Variants in SPATA13 observed in about 807,000 individuals in gnomAD.
SPATA13 encodes spermatogenesis-associated protein 13.
Under a neutral mutation model 104.0 loss-of-function variants are expected in SPATA13, and 50 were observed. The ratio of observed to expected loss-of-function variants is 0.48; its 90% CI spans 0.38 to 0.61. The LOEUF is 0.61. Ranked by LOEUF, SPATA13 falls within the 20% of genes least tolerant of loss-of-function variation. The probability of loss-of-function intolerance (pLI) is 0.00; values close to 1 mark genes in which losing one functional copy is unlikely to be tolerated. For synonymous variants in SPATA13, 606 were observed against 667.5 expected (o/e 0.91, Z 1.42); for missense variants, 1,524 against 1,690.6 (o/e 0.90, Z 1.73).
intron 5 of SPATA13, among the ~76,000 whole-genome samples, chr13:24,284,581 T>A (rs959989755): frequency 6.6e-6 from 1 of 152,144 alleles, no homozygotes; most frequent in Non-Finnish European, 1.5e-5. Context: ...GGAGAATTGC[T>A]TGAAGCTGGG....
At chr13:24,102,636 G>A (rs755241576) in intron 3 of SPATA13, among the ~76,000 whole-genome samples, 10 of 151,864 alleles carry the variant, frequency 6.6e-5, no homozygotes, top group South Asian at 2.1e-4. Flanking sequence ...CACTAAGCCT[G>A]GCTATTTTTG....
chr13:23,998,389 A>G (rs1875792480), intron 2 of SPATA13, among the ~76,000 whole-genome samples: 2 of 152,178 alleles, frequency 1.3e-5, no homozygotes, highest in South Asian at 4.1e-4. Context: ...TGAAATGTCT[A>G]TCCAAATCTT....
intron 3 of SPATA13, among the ~76,000 whole-genome samples, chr13:24,154,188 T>C (rs1023683239): frequency 6.6e-6 from 1 of 152,234 alleles, no homozygotes; most frequent in Non-Finnish European, 1.5e-5. Context: ...AGTCTGGCAG[T>C]ACCACTCCTG....
chr13:24,160,210 G>C (rs115113968), upstream of SPATA13, among the ~76,000 whole-genome samples: 1 of 152,212 alleles, frequency 6.6e-6, no homozygotes, highest in Non-Finnish European at 1.5e-5. Flanking sequence ...CGCCCTGGGG[G>C]GTGGGGGCTG....
intron 3 of SPATA13, among the ~76,000 whole-genome samples, chr13:24,064,569 T>C (rs887216448): frequency 2.6e-5 from 4 of 152,054 alleles, no homozygotes; most frequent in African/African-American, 9.7e-5. Flanking sequence ...TGTGAGAACA[T>C]AGCAAGAAGA....
At chr13:24,113,868 CAAAAAAAAAAAAAA>C (rs958434459) in intron 3 of SPATA13, among the ~76,000 whole-genome samples, 5 of 56,192 alleles carry the variant, frequency 8.9e-5, no homozygotes, top group African/African-American at 3.2e-4. Context: ...GACTCGATCT[CAAAAAAAAAAAAAA>C]AAAAAAAAGA....
chr13:24,132,396 G>C (rs1266352937), intron 3 of SPATA13, among the ~76,000 whole-genome samples: 2 of 152,170 alleles, frequency 1.3e-5, no homozygotes, highest in African/African-American at 4.8e-5. Flanking sequence ...CAATATATCA[G>C]ACCCTGGACA....
chr13:24,142,417 T>C (rs1366628086), intron 3 of SPATA13, among the ~76,000 whole-genome samples: 1 of 152,206 alleles, frequency 6.6e-6, no homozygotes, highest in Non-Finnish European at 1.5e-5. Flanking sequence ...TCTTTGTCTT[T>C]CATGACCTTG....
intron 11 of SPATA13, 89 bp from the exon 12 acceptor site, chr13:24,300,312 C>T: frequency 5.0e-6 from 5 of 994,368 alleles, no homozygotes; most frequent in Admixed American, 2.1e-5. Context: ...TGGTGATAAC[C>T]TCAATGCTGA....
rs748284162 is a variant in SPATA13, at chr13:24,286,810, C to T, written c.2527C>T (p.Pro843Ser). The T allele has an allele frequency of 2.5e-6, 4 of 1,613,592 alleles. No homozygotes were observed. The highest frequency in any genetic ancestry group is 3.4e-6 in the Non-Finnish European group (4 of 1,179,958). ...EELSENSSST[P>S]SEEQDEEASQ... ...GCTGTCGGAAAACTCCAGCAGCACC[C>T]CCAGTGAGGAGCAGGACGAGGAGGC... is the stretch of plus-strand genomic sequence containing the variant. Residue 843 changes from proline (P) to serine (S), a missense_variant, in exon 7 of 13, where the codon CCC becomes TCC. By Grantham distance (74) the Pro-to-Ser change is moderately conservative. Transcript: ENST00000382108. The surrounding 1 kb of genome is among the most constrained non-coding windows in gnomAD (Gnocchi z 4.9).
chr13:24,238,084 G>A (rs1054770103), intron 2 of SPATA13, among the ~76,000 whole-genome samples: 7 of 142,146 alleles, frequency 4.9e-5, no homozygotes, highest in Non-Finnish European at 3.0e-5. Context: ...TGGTATCATG[G>A]TTGATAAATT....
At chr13:24,139,360 G>C (rs541305814) in intron 3 of SPATA13, among the ~76,000 whole-genome samples, 1 of 152,104 alleles carries the variant, frequency 6.6e-6, no homozygotes, top group South Asian at 2.1e-4. Context: ...AGCTTACCTC[G>C]TAGTGGGGGC....
intron 3 of SPATA13, among the ~76,000 whole-genome samples, chr13:24,135,382 G>A (rs1356201984): frequency 1.3e-5 from 2 of 152,000 alleles, no homozygotes; most frequent in African/African-American, 4.8e-5. Flanking sequence ...ATTATATAAT[G>A]TGCCTCACTT....
intron 3 of SPATA13, among the ~76,000 whole-genome samples, chr13:24,023,002 CATAGGT>C (rs1877056397): frequency 6.6e-6 from 1 of 152,024 alleles, no homozygotes; most frequent in Admixed American, 6.6e-5. Flanking sequence ...AAGCTCGTTA[CATAGGT>C]ATACATGTAC....
At chr13:24,134,105 A>AC (rs1200931870) in intron 3 of SPATA13, among the ~76,000 whole-genome samples, 1 of 152,178 alleles carries the variant, frequency 6.6e-6, no homozygotes, top group East Asian at 1.9e-4. Flanking sequence ...GTAGAATGGT[A>AC]CCCAGATAGA....
chr13:24,175,002 T>G (rs919081889), intron 1 of SPATA13, among the ~76,000 whole-genome samples: 1 of 152,208 alleles, frequency 6.6e-6, no homozygotes, highest in African/African-American at 2.4e-5. Context: ...TTAATTCCAT[T>G]ACGGTTAGAG....
intron 3 of SPATA13, among the ~76,000 whole-genome samples, chr13:24,071,303 C>A (rs1392854934): frequency 6.6e-6 from 1 of 152,196 alleles, no homozygotes; most frequent in African/African-American, 2.4e-5. Context: ...CTGAAGTGAT[C>A]CAGAAGCTAG....
intron 3 of SPATA13, among the ~76,000 whole-genome samples, chr13:24,056,924 A>G (rs529597021): frequency 9.9e-4 from 144 of 146,084 alleles, no homozygotes; most frequent in Non-Finnish European, 1.5e-3. Context: ...TTTTTTTTTC[A>G]ATGAATGGAG....
rs113987228 is a variant in SPATA13 at position 24,112,451 on chromosome 13, T to G, written c.-112+94750T>G. On this transcript the variant is annotated intron_variant, in intron 3 of 14. Transcript: ENST00000424834. ...GAGCTCAGTATACACTGTGCTTTGTTCATCCTTGTACTTCCCATGCTGAAG... is the reference window on the plus strand; with the variant it reads ...GAGCTCAGTATACACTGTGCTTTGTGCATCCTTGTACTTCCCATGCTGAAG... Among the ~76,000 whole-genome samples, 366 of 152,344 alleles carry G rather than the reference T, an allele frequency of 2.4e-3. 3 individuals are homozygous for G. The highest frequency in any genetic ancestry group is 8.6e-3 in the African/African-American group (359 of 41,578).
Sources: gnomAD v4.1 joint callset for allele counts (sites outside exome capture counted in the v4.1 genomes callset) on GRCh38, gnomAD v4.1.1 for gene constraint, Gnocchi (gnomAD v3.1) non-coding constraint, MANE v1.5 for transcripts, NCBI Gene and HGNC (gene_info 2026-07-23, HGNC 2026-07-21) for gene names.